The following RBL1 variants were observed in gnomAD, a reference collection of about 807,000 sequenced individuals.
The protein encoded by RBL1 is RB transcriptional corepressor like 1, also known as retinoblastoma-like protein 1.
Under a neutral mutation model 123.0 loss-of-function variants are expected in RBL1, and 82 were observed. The observed-to-expected ratio is 0.67, with a 90% confidence interval of 0.56 to 0.80. The LOEUF (loss-of-function observed/expected upper bound fraction) is 0.80, where lower values mean the gene tolerates loss of function less well. Among genes scored for constraint, RBL1 ranks in the 30% least tolerant of loss-of-function variants. The pLI, the probability that RBL1 is intolerant of heterozygous loss-of-function variation, is 0.00. For missense variants in RBL1, 1,171 were observed against 1,299.6 expected (o/e 0.90, Z 1.52); for synonymous variants, 405 against 441.3 (o/e 0.92, Z 1.03).
At chr20:37,058,265 C>T (rs1240707274) in intron 9 of RBL1, among the ~76,000 whole-genome samples, 2 of 151,950 alleles carry the variant, frequency 1.3e-5, no homozygotes, top group East Asian at 1.9e-4. Flanking sequence ...TGCCTGTAAT[C>T]CCAGCACTTT....
chr20:37,068,225 A>C, intron 2 of RBL1, 39 bp from the exon 3 acceptor site: 4 of 1,510,070 alleles, frequency 2.6e-6, no homozygotes, highest in Non-Finnish European at 3.5e-6. Flanking sequence ...CACCTTTAAA[A>C]TTCATTTAAA....
chr20:37,044,882 G>A (rs2064793319), intron 12 of RBL1, among the ~76,000 whole-genome samples: 1 of 152,116 alleles, frequency 6.6e-6, no homozygotes, highest in Non-Finnish European at 1.5e-5. Context: ...TATTTTGAAT[G>A]TATTGCTCCT....
intron 2 of RBL1, among the ~76,000 whole-genome samples, chr20:37,073,096 C>A (rs896918290): frequency 1.3e-5 from 2 of 152,094 alleles, no homozygotes; most frequent in African/African-American, 4.8e-5. Flanking sequence ...GCTGGGACCA[C>A]AGGTATGTGC....
intron 13 of RBL1, 150 bp from the exon 14 acceptor site, chr20:37,040,435 TC>T: frequency 8.0e-7 from 1 of 1,243,074 alleles, no homozygotes; most frequent in Admixed American, 2.9e-5. Flanking sequence ...CACAGCAACC[TC>T]CAACGCCCGG....
In RBL1 at chr20:37,028,697, G is replaced by C. The variant is rs2146240648; in HGVS notation, c.2382+3968C>G. On this transcript the variant is annotated intron_variant, in intron 16 of 21. Transcript: ENST00000373664. ...CAAAAGAGTTTCAGTAAATTCCAGA[G>C]GCTGGCCAACTACTTACTCAAAGTT... 1.3e-5 allele frequency among the ~76,000 whole-genome samples: 2 copies of C among 152,212 alleles called. 1 individual carries two copies. Among genetic ancestry groups the C allele is most frequent in the Admixed American group, 1.3e-4 (2 of 15,270 alleles).
chr20:37,003,952 AG>A, intron 20 of RBL1, 86 bp from the exon 21 acceptor site: 1 of 1,259,344 alleles, frequency 7.9e-7, no homozygotes, highest in Non-Finnish European at 1.1e-6. Flanking sequence ...GGTATCTTCT[AG>A]TTAGAAAACA....
chr20:37,009,425 A>C (rs1384360377), intron 19 of RBL1, among the ~76,000 whole-genome samples: 2 of 135,904 alleles, frequency 1.5e-5, no homozygotes, highest in Non-Finnish European at 3.1e-5. Flanking sequence ...GATCAATTAA[A>C]ATTATTTTTT....
chr20:37,044,347 C>CT (rs1202682953), intron 12 of RBL1, 97 bp from the exon 13 acceptor site: 179 of 1,160,116 alleles, frequency 1.5e-4, no homozygotes, highest in South Asian at 1.9e-4. Flanking sequence ...TCTTCTTCTT[C>CT]TTTTTTTTGA....
chr20:37,019,795 G>A (rs2064310727), intron 18 of RBL1, among the ~76,000 whole-genome samples: 1 of 152,070 alleles, frequency 6.6e-6, no homozygotes, highest in Non-Finnish European at 1.5e-5. Flanking sequence ...TAATTTACTT[G>A]TGTTCTTCAG....
In RBL1 at chr20:37,095,976, C is replaced by A; in HGVS notation, c.-48G>T. ...GCGCCACGGCCCCCGACTTCTTTCT[C>A]CCTCCCAGGCGCGCTACCCACAACC... On this transcript the variant is annotated 5_prime_UTR_variant, in exon 1 of 22. Coordinates refer to ENST00000373664, the MANE Select transcript of RBL1 (RefSeq NM_002895.5). 3 of 1,413,656 alleles carry A rather than the reference C, an allele frequency of 2.1e-6. No homozygotes were observed. Among genetic ancestry groups the A allele is most frequent in the Non-Finnish European group, 2.8e-6 (3 of 1,066,900 alleles). The allele number at this position is 1,413,656 out of a possible 1,614,324, so 87.6% of individuals were successfully genotyped here.
At chr20:37,040,119 T>G in intron 14 of RBL1, 34 bp downstream of exon 14, 4 of 1,605,204 alleles carry the variant, frequency 2.5e-6, no homozygotes, top group Non-Finnish European at 3.4e-6. Context: ...TGCCCTTTGT[T>G]ACTTTTTCAT....
intron 14 of RBL1, among the ~76,000 whole-genome samples, chr20:37,038,029 G>A (rs2064653326): frequency 9.2e-6 from 1 of 108,848 alleles, no homozygotes. Flanking sequence ...GTCTTGCTCT[G>A]TCCCCAGGCT....
At chr20:37,081,159 C>T (rs887395010) in intron 2 of RBL1, among the ~76,000 whole-genome samples, 5 of 152,182 alleles carry the variant, frequency 3.3e-5, no homozygotes, top group African/African-American at 9.7e-5. Flanking sequence ...GTTTCCAGGA[C>T]CACTTCTCTC....
In RBL1 at chr20:37,037,762, G is replaced by A. The variant is rs565231150; in HGVS notation, c.1904-2254C>T. ...ACAATCTCGGCTCACTGCAACCTCC[G>A]CCTCCTGGGTTCAAGCAATTCTCTT... On this transcript the variant is annotated intron_variant, in intron 14 of 21. Coordinates refer to ENST00000373664, the MANE Select transcript of RBL1 (RefSeq NM_002895.5). 3.3e-5 allele frequency among the ~76,000 whole-genome samples: 5 copies of A among 150,374 alleles called. No homozygotes were observed. The South Asian group carries it at 8.4e-4, about 25-fold the overall frequency.
chr20:37,084,696 T>C (rs149156074), intron 2 of RBL1, among the ~76,000 whole-genome samples: 33 of 152,154 alleles, frequency 2.2e-4, no homozygotes, highest in African/African-American at 8.0e-4. Flanking sequence ...AGACTCTGTC[T>C]CAAACAAATA....
intron 2 of RBL1, among the ~76,000 whole-genome samples, chr20:37,088,537 A>C (rs1301126917): frequency 6.6e-6 from 1 of 152,068 alleles, no homozygotes; most frequent in Non-Finnish European, 1.5e-5. Flanking sequence ...GAAAATTGGG[A>C]AAGGATTATC....
intron 13 of RBL1, among the ~76,000 whole-genome samples, chr20:37,041,530 C>A (rs899557246): frequency 6.6e-6 from 1 of 152,042 alleles, no homozygotes; most frequent in Non-Finnish European, 1.5e-5. Context: ...ACCATATTGG[C>A]CAGCCTGGTC....
At chr20:37,067,911 A>C in intron 3 of RBL1, 75 bp downstream of exon 3, 6 of 1,490,846 alleles carry the variant, frequency 4.0e-6, no homozygotes, top group Non-Finnish European at 4.5e-6. Context: ...CATAAAAAAC[A>C]GACTTTCAAA....
intron 2 of RBL1, among the ~76,000 whole-genome samples, chr20:37,078,722 T>C (rs938145982): frequency 3.3e-5 from 5 of 152,126 alleles, no homozygotes; most frequent in South Asian, 4.1e-4. Context: ...ATCAAATTCA[T>C]AGAGGAAGAA....
Sources: gnomAD v4.1 joint callset for allele counts (sites outside exome capture counted in the v4.1 genomes callset) on GRCh38, gnomAD v4.1.1 for gene constraint, MANE v1.5 for transcripts, NCBI Gene and HGNC (gene_info 2026-07-23, HGNC 2026-07-21) for gene names.